Variants in IGFL2 observed in about 807,000 individuals in gnomAD.
IGFL2 encodes insulin growth factor-like family member 2.
IGFL2 carries 7 observed loss-of-function variants against 13.9 expected under a neutral mutation model. The observed-to-expected ratio is 0.51, with a 90% CI of 0.29 to 0.95. The LOEUF is 0.95. IGFL2 is among the 40% of genes least tolerant of loss of function. The probability of loss-of-function intolerance (pLI) is 0.08; values close to 1 mark genes in which losing one functional copy is unlikely to be tolerated. For missense variants in IGFL2, 138 were observed against 147.8 expected, an observed-to-expected ratio of 0.93 and a Z score of 0.34; for synonymous variants, 55 against 55.8, an observed-to-expected ratio of 0.99 and a Z score of 0.07.
chr19:46,205,117 C>T, the IGFL2 span, among the ~76,000 whole-genome samples: 3 of 152,186 alleles, frequency 2.0e-5, no homozygotes, highest in African/African-American at 4.8e-5. Flanking sequence ...GAATAGGACC[C>T]GGTAATATAG....
chr19:46,091,229 A>G, the IGFL2 span, among the ~76,000 whole-genome samples: 1 of 152,218 alleles, frequency 6.6e-6, no homozygotes, highest in African/African-American at 2.4e-5. Flanking sequence ...GTAGCCTCAT[A>G]GAAAAACATT....
chr19:46,189,447 A>G, the IGFL2 span, among the ~76,000 whole-genome samples: 1 of 152,114 alleles, frequency 6.6e-6, no homozygotes, highest in Non-Finnish European at 1.5e-5. Flanking sequence ...CAGGCCCTCC[A>G]CAAGAGGTGG....
the IGFL2 span, among the ~76,000 whole-genome samples, chr19:46,169,557 A>T: frequency 8.3e-4 from 126 of 152,302 alleles, 2 homozygotes; most frequent in Middle Eastern, 0.017. Context: ...TAATTGTATG[A>T]GAATATGGGT....
chr19:46,169,084 G>A, the IGFL2 span, among the ~76,000 whole-genome samples: 4 of 152,078 alleles, frequency 2.6e-5, no homozygotes, highest in Non-Finnish European at 4.4e-5. Context: ...GCATGTACCT[G>A]TAGTCCTAGC....
chr19:46,129,470 A>AG, the IGFL2 span, among the ~76,000 whole-genome samples: 1 of 151,624 alleles, frequency 6.6e-6, no homozygotes, highest in Non-Finnish European at 1.5e-5. Context: ...TGTGAAGCTG[A>AG]GTTCTGACTC....
chr19:46,176,009 A>ATTTTT, the IGFL2 span, among the ~76,000 whole-genome samples: 47 of 71,888 alleles, frequency 6.5e-4, 4 homozygotes, highest in Non-Finnish European at 8.8e-4. Flanking sequence ...CGCCCGACTA[A>ATTTTT]TTTTTTTTTT....
upstream of IGFL2, among the ~76,000 whole-genome samples, chr19:46,145,596 ATATATGTGTGTG>A (rs1418430353): frequency 2.6e-4 from 15 of 58,610 alleles, no homozygotes; most frequent in East Asian, 5.9e-4. Context: ...ACACACTCAT[ATATATGTGTGTG>A]TGTGTGTGTG....
At chr19:46,149,283 A>ACCTCTCCCCCTCTTCC (rs1973336918) in intron 1 of IGFL2, among the ~76,000 whole-genome samples, 1 of 35,250 alleles carries the variant, frequency 2.8e-5, no homozygotes, top group Non-Finnish European at 5.7e-5. Flanking sequence ...CACCCTTTCC[A>ACCTCTCCCCCTCTTCC]CCTCTCCCCC....
the IGFL2 span, among the ~76,000 whole-genome samples, chr19:46,088,570 C>T: frequency 0.013 from 2,050 of 152,310 alleles, 31 homozygotes; most frequent in Middle Eastern, 0.027. Flanking sequence ...TTCCATTCAG[C>T]TTCTTGTCAT....
At chr19:46,114,689 C>T in the IGFL2 span, among the ~76,000 whole-genome samples, 3 of 152,164 alleles carry the variant, frequency 2.0e-5, no homozygotes, top group Non-Finnish European at 4.4e-5. Flanking sequence ...CTCTCTCCTG[C>T]CACCATGTAA....
chr19:46,121,659 A>G, the IGFL2 span, among the ~76,000 whole-genome samples: 8 of 151,016 alleles, frequency 5.3e-5, 1 homozygote, highest in African/African-American at 1.7e-4. Context: ...TCACGTGAGT[A>G]GTAAAAAGAA....
At chr19:46,203,514 A>C in the IGFL2 span, 3 of 152,288 alleles carry the variant, frequency 2.0e-5, no homozygotes, top group Non-Finnish European at 2.9e-5. Flanking sequence ...GCAGGAAGGG[A>C]TCCAGTTCAG....
the IGFL2 span, among the ~76,000 whole-genome samples, chr19:46,088,605 C>G: frequency 6.6e-6 from 1 of 152,184 alleles, no homozygotes; most frequent in Non-Finnish European, 1.5e-5. Flanking sequence ...TTATTGAACA[C>G]TTTCTATATA....
At chr19:46,150,668 A>G (rs1363647113) in intron 1 of IGFL2, among the ~76,000 whole-genome samples, 1 of 152,094 alleles carries the variant, frequency 6.6e-6, no homozygotes, top group Non-Finnish European at 1.5e-5. Context: ...GAAATATACA[A>G]CACACCATTT....
the IGFL2 span, among the ~76,000 whole-genome samples, chr19:46,086,252 T>C: frequency 0.013 from 2,051 of 152,300 alleles, 31 homozygotes; most frequent in Middle Eastern, 0.027. Flanking sequence ...TTTTTTGTAT[T>C]GTATGTCATT....
chr19:46,100,218 G>C, the IGFL2 span, among the ~76,000 whole-genome samples: 6 of 152,100 alleles, frequency 3.9e-5, no homozygotes, highest in African/African-American at 1.4e-4. Context: ...TCAGTTTTCA[G>C]CGTTTTTTCA....
upstream of IGFL2, among the ~76,000 whole-genome samples, chr19:46,145,828 T>C (rs1973108473): frequency 6.6e-6 from 1 of 152,158 alleles, no homozygotes; most frequent in African/African-American, 2.4e-5. Flanking sequence ...CGATGCTTAA[T>C]GATTTTGTTT....
the IGFL2 span, chr19:46,196,930 C>T: frequency 7.4e-4 from 125 of 168,236 alleles, no homozygotes; most frequent in Middle Eastern, 1.8e-3. Context: ...CCAGGAAGGG[C>T]TGGGAATCTG....
chr19:46,104,124 C>G, the IGFL2 span, among the ~76,000 whole-genome samples: 1 of 152,160 alleles, frequency 6.6e-6, no homozygotes, highest in African/African-American at 2.4e-5. Context: ...GGCAAATTTC[C>G]TGTCTAGCCT....
Sources: allele counts gnomAD v4.1 joint callset (sites outside exome capture counted in the v4.1 genomes callset), GRCh38; gene constraint gnomAD v4.1.1; transcripts MANE v1.5; gene names NCBI Gene and HGNC (gene_info 2026-07-23, HGNC 2026-07-21).